Variants in PLA2G6 observed in about 807,000 individuals in gnomAD.
The protein encoded by PLA2G6 is 85/88 kDa calcium-independent phospholipase A2.
In PLA2G6, 62 loss-of-function variants were observed where a neutral mutation model predicts 83.8. The ratio of observed to expected loss-of-function variants is 0.74; its 90% CI spans 0.60 to 0.91. The LOEUF (loss-of-function observed/expected upper bound fraction) is 0.91. Ranked by LOEUF, PLA2G6 falls within the 40% of genes least tolerant of loss-of-function variation. The pLI, the probability that PLA2G6 is intolerant of heterozygous loss-of-function variation, is 0.00. For missense variants in PLA2G6, 944 were observed against 1,102.0 expected, an observed-to-expected ratio of 0.86 and a Z score of 2.03; for synonymous variants, 417 against 449.8, an observed-to-expected ratio of 0.93 and a Z score of 0.92.
chr22:38,177,737 TA>T (rs1290220037), intron 1 of PLA2G6, among the ~76,000 whole-genome samples: 1 of 152,158 alleles, frequency 6.6e-6, no homozygotes, highest in Non-Finnish European at 1.5e-5. Flanking sequence ...GTGCTGGGGT[TA>T]CAGGCATGAG....
Position 38,111,518 on chromosome 22 carries a change from T to C in PLA2G6, c.*643A>G. 6.2e-6 allele frequency: 1 copy of C among 162,128 alleles called. No individual in the cohort carries two copies. The highest frequency in any genetic ancestry group is 1.4e-5 in the Non-Finnish European group (1 of 73,590). The allele number at this position is 162,128 out of a possible 1,614,324, so 10.0% of individuals were successfully genotyped here. On this transcript the variant is annotated 3_prime_UTR_variant, in exon 17 of 17. Transcript: ENST00000332509. ...GGTGAACTTGAATCCAAATGATTTA[T>C]TTCAGTTTTGGCTCTTAAGCCACTT...
chr22:38,158,511 T>G (rs1391184663), intron 2 of PLA2G6, among the ~76,000 whole-genome samples: 3 of 152,264 alleles, frequency 2.0e-5, no homozygotes, highest in Non-Finnish European at 4.4e-5. Context: ...ACTTCTTTTT[T>G]GAACCATAGA....
At position 38,145,593 on chromosome 22, in the gene PLA2G6, CTGGGAAGAATACTGA is replaced by C; in HGVS notation, c.255_269del (p.His85_Ser89del). On this transcript the variant is annotated inframe_deletion, in exon 3 of 17. Transcript: ENST00000332509. ...GGGAGCTCTCATAGAAGGGTAGCAG[CTGGGAAGAATACTGA>C]TGGAAATTCACTAGGGCGTCAGCCT... The C allele has an allele frequency of 6.2e-7, 1 of 1,613,888 alleles. No individual in the cohort carries two copies. The highest frequency in any genetic ancestry group is 8.5e-7 in the Non-Finnish European group (1 of 1,179,936).
At position 38,112,358 on chromosome 22, in the gene PLA2G6, G is replaced by A. The variant is rs754070657; in HGVS notation, c.2277-53C>T. The A allele has an allele frequency of 3.3e-4, 524 of 1,597,586 alleles. 2 individuals carry two copies. The highest frequency in any genetic ancestry group is 8.5e-4 in the Admixed American group (50 of 58,884). The stretch of plus-strand genomic sequence containing the variant: ...CCCTAGGATGCTCAGGCTGGGCAGG[G>A]GACGCCAGCTAGGACCAGGGTGGGC... On this transcript the variant is annotated intron_variant, in intron 16 of 16. Transcript: ENST00000332509.
chr22:38,172,121 G>A (rs1296805202), intron 1 of PLA2G6, among the ~76,000 whole-genome samples: 1 of 152,120 alleles, frequency 6.6e-6, no homozygotes, highest in East Asian at 1.9e-4. Context: ...AAACACTCCT[G>A]TGCATCTTGC....
intron 1 of PLA2G6, among the ~76,000 whole-genome samples, chr22:38,169,682 T>A (rs1385368601): frequency 1.3e-5 from 2 of 152,230 alleles, no homozygotes; most frequent in Admixed American, 6.5e-5. Context: ...CCAGGCTGGC[T>A]ACCTAGAAGG....
At chr22:38,115,417 G>C in intron 14 of PLA2G6, 110 bp downstream of exon 14, 3 of 914,012 alleles carry the variant, frequency 3.3e-6, no homozygotes, top group South Asian at 2.8e-5. Context: ...GAATGAGTGC[G>C]TGTGTAAAAG....
intron 11 of PLA2G6, among the ~76,000 whole-genome samples, chr22:38,122,590 A>G (rs2087586982): frequency 6.6e-6 from 1 of 152,160 alleles, no homozygotes; most frequent in Non-Finnish European, 1.5e-5. Context: ...TGGATGAGCT[A>G]TGTGACTTCA....
intron 11 of PLA2G6, among the ~76,000 whole-genome samples, chr22:38,121,350 T>C (rs1050625943): frequency 6.6e-6 from 1 of 152,216 alleles, no homozygotes; most frequent in Non-Finnish European, 1.5e-5. Flanking sequence ...CACTCCAGCC[T>C]GGGCAACGGA....
At chr22:38,151,085 C>G (rs1276942928) in intron 2 of PLA2G6, among the ~76,000 whole-genome samples, 1 of 151,928 alleles carries the variant, frequency 6.6e-6, no homozygotes, top group East Asian at 1.9e-4. Context: ...TAAATAAATG[C>G]CAATGAGAAT....
In PLA2G6 at chr22:38,112,204, C is replaced by A. The variant is rs530351387; in HGVS notation, c.2378G>T (p.Arg793Leu). 1.8e-5 allele frequency: 29 copies of A among 1,607,194 alleles called. No homozygotes were observed. In the South Asian group the frequency reaches 2.9e-4, roughly 16 times the overall value. ...CTGGATGAGCTTCTGGAACTCCTCG[C>A]GGTGCTCATAGATGTAGACCTCGGT... Reference protein sequence around the residue: ...WETEVYIYEHREEFQKLIQLL... With the variant: ...WETEVYIYEHLEEFQKLIQLL... The change falls in exon 17 of 17, where the codon CGC becomes CTC. Residue 793 changes from arginine (R) to leucine (L), a missense_variant. By Grantham distance (102) the Arg-to-Leu change is moderately radical (BLOSUM62 -2). Coordinates refer to ENST00000332509, the MANE Select transcript of PLA2G6 (RefSeq NM_003560.4).
intron 10 of PLA2G6, chr22:38,125,533 G>A (rs1327636581): frequency 2.8e-6 from 1 of 362,308 alleles, no homozygotes; most frequent in African/African-American, 2.2e-5. Context: ...CCTGCAGAGG[G>A]CTGGCACTAG....
In PLA2G6 at chr22:38,155,922, C is replaced by A. The variant is rs117884024; in HGVS notation, c.210-10269G>T. 4.7e-3 allele frequency among the ~76,000 whole-genome samples: 712 copies of A among 152,206 alleles called. 3 individuals carry two copies. Among genetic ancestry groups the A allele is most frequent in the Non-Finnish European group, 6.5e-3 (445 of 68,008 alleles). ...AAAAACAAGACCCAGTGATCTGTTG[C>A]CTACATGAAACACACTTTACCTGTA... On this transcript the variant is annotated intron_variant, in intron 2 of 16. Transcript: ENST00000332509.
intron 5 of PLA2G6, chr22:38,138,627 G>C (rs2088697949): frequency 6.6e-6 from 1 of 152,210 alleles, no homozygotes; most frequent in Non-Finnish European, 1.5e-5. Context: ...AGGATCGAAG[G>C]ACTCATTGGC....
Position 38,120,924 on chromosome 22 carries a change from G to A in PLA2G6, c.1592-15C>T. The A allele has an allele frequency of 6.2e-7, 1 of 1,612,750 alleles. No homozygotes were observed. The highest frequency in any genetic ancestry group is 8.5e-7 in the Non-Finnish European group (1 of 1,179,934). ...CATGGACTTACCTAGGAACAAAGGG[G>A]TCAGAGGCGGGGAGATGCAGCGGCC... On this transcript the variant is annotated splice_polypyrimidine_tract_variant and intron_variant, in intron 11 of 16. Transcript: ENST00000332509.
intron 2 of PLA2G6, among the ~76,000 whole-genome samples, chr22:38,168,427 C>A (rs914110735): frequency 6.6e-6 from 1 of 152,256 alleles, no homozygotes; most frequent in East Asian, 1.9e-4. Flanking sequence ...TTCCCTCAGG[C>A]CTGTCCTGGC....
chr22:38,165,282 T>C, intron 2 of PLA2G6, among the ~76,000 whole-genome samples: 1 of 152,184 alleles, frequency 6.6e-6, no homozygotes, highest in Admixed American at 6.5e-5. Flanking sequence ...CTGGGCACAC[T>C]GTCATGAACC....
At position 38,112,044 on chromosome 22, in the gene PLA2G6, G is replaced by C; in HGVS notation, c.*117C>G. On this transcript the variant is annotated 3_prime_UTR_variant, in exon 17 of 17. Transcript: ENST00000332509. ...GCAGCTTGGCATTCTCCCAGGCCTG[G>C]TCTATGGACTCAGAGGTGCCTGGGC... 2 of 1,229,882 alleles carry C rather than the reference G, an allele frequency of 1.6e-6. No individual in the cohort carries two copies. Among genetic ancestry groups the C allele is most frequent in the Non-Finnish European group, 2.3e-6 (2 of 859,200 alleles). 76.2% of individuals were successfully genotyped at this position (1,229,882 alleles called of 1,614,324 possible).
chr22:38,175,449 C>T (rs929779668), intron 1 of PLA2G6, among the ~76,000 whole-genome samples: 1 of 152,000 alleles, frequency 6.6e-6, no homozygotes, highest in Non-Finnish European at 1.5e-5. Context: ...CTCACCCCTC[C>T]AACTCATCCC....
Sources: gnomAD v4.1 joint callset for allele counts (sites outside exome capture counted in the v4.1 genomes callset) on GRCh38, gnomAD v4.1.1 for gene constraint, MANE v1.5 for transcripts, NCBI Gene and HGNC (gene_info 2026-07-23, HGNC 2026-07-21) for gene names.